The following CACNA2D3 variants were observed in gnomAD, a reference collection of about 807,000 sequenced individuals.
CACNA2D3 encodes voltage-dependent calcium channel subunit alpha-2/delta-3.
CACNA2D3 carries 60 observed loss-of-function variants against 160.6 expected under a neutral mutation model. The ratio of observed to expected loss-of-function variants is 0.37; its 90% CI spans 0.30 to 0.46. The LOEUF is 0.46. Among genes scored for constraint, CACNA2D3 ranks in the 20% least tolerant of loss-of-function variants. The pLI is 1.00. For missense variants in CACNA2D3, 1,205 were observed against 1,365.0 expected, an observed-to-expected ratio of 0.88 and a Z score of 1.85; for synonymous variants, 558 against 492.9, an observed-to-expected ratio of 1.13 and a Z score of -1.75.
chr3:54,700,663 A>G (rs1244482849), intron 11 of CACNA2D3, among the ~76,000 whole-genome samples: 2 of 152,202 alleles, frequency 1.3e-5, no homozygotes, highest in Non-Finnish European at 2.9e-5. Flanking sequence ...GACTTGAATC[A>G]ATAACCAGTT....
At chr3:55,050,345 T>C (rs1297996919) in intron 35 of CACNA2D3, among the ~76,000 whole-genome samples, 2 of 152,096 alleles carry the variant, frequency 1.3e-5, no homozygotes, top group Non-Finnish European at 2.9e-5. Context: ...AAGTATTTTA[T>C]TTCTCCTTCA....
At chr3:54,362,226 C>T (rs1440351652) in intron 3 of CACNA2D3, among the ~76,000 whole-genome samples, 1 of 152,136 alleles carries the variant, frequency 6.6e-6, no homozygotes, top group African/African-American at 2.4e-5. Flanking sequence ...TCGGCGAGGA[C>T]GAAGGTCTTG....
chr3:54,642,075 A>T (rs1699532981), intron 10 of CACNA2D3, 53 bp from the exon 11 acceptor site: 3 of 1,173,940 alleles, frequency 2.6e-6, no homozygotes, highest in Non-Finnish European at 3.6e-6. Context: ...TTTTTCACTG[A>T]TACACAGAAT....
intron 35 of CACNA2D3, among the ~76,000 whole-genome samples, chr3:55,040,357 T>C (rs1309289017): frequency 1.3e-5 from 2 of 152,178 alleles, no homozygotes; most frequent in African/African-American, 4.8e-5. Flanking sequence ...CCTAACCATA[T>C]CAGCATAATA....
chr3:54,389,728 ACTGT>A (rs1414015368), intron 4 of CACNA2D3, among the ~76,000 whole-genome samples: 1 of 152,202 alleles, frequency 6.6e-6, no homozygotes, highest in Non-Finnish European at 1.5e-5. Context: ...CTACAGAGTA[ACTGT>A]CTGGACTCGT....
chr3:54,488,494 C>T (rs1190826075), intron 4 of CACNA2D3, among the ~76,000 whole-genome samples: 1 of 152,054 alleles, frequency 6.6e-6, no homozygotes, highest in Admixed American at 6.5e-5. Flanking sequence ...CGACTAGCCT[C>T]ACAATAGCCC....
At chr3:54,923,713 G>C (rs951163039) in intron 27 of CACNA2D3, among the ~76,000 whole-genome samples, 1 of 152,186 alleles carries the variant, frequency 6.6e-6, no homozygotes, top group African/African-American at 2.4e-5. Context: ...CTGTGAAGTG[G>C]AGGAAAGAAT....
At chr3:54,148,974 C>CTT (rs1553735007) in intron 2 of CACNA2D3, among the ~76,000 whole-genome samples, 1 of 116,588 alleles carries the variant, frequency 8.6e-6, no homozygotes, top group East Asian at 2.5e-4. Flanking sequence ...AAAACTCCAT[C>CTT]AAAAAAAAAA....
At chr3:54,631,198 C>A (rs189496183) in intron 10 of CACNA2D3, among the ~76,000 whole-genome samples, 1,470 of 106,520 alleles carry the variant, frequency 0.014, 17 homozygotes, top group South Asian at 0.046. Context: ...AGCGAGACTC[C>A]ATCAAACACA....
At chr3:54,908,682 G>A (rs2177916) in intron 27 of CACNA2D3, among the ~76,000 whole-genome samples, 118,581 of 152,154 alleles carry the variant, frequency 0.78, 47,043 homozygotes, top group African/African-American at 0.92. Context: ...ATGCCATTGT[G>A]CTCCAGCCTG....
At chr3:54,954,143 C>G (rs1701824736) in intron 27 of CACNA2D3, among the ~76,000 whole-genome samples, 1 of 152,168 alleles carries the variant, frequency 6.6e-6, no homozygotes, top group East Asian at 1.9e-4. Context: ...ATCATGTCAT[C>G]ATGCAGGCAT....
intron 4 of CACNA2D3, among the ~76,000 whole-genome samples, chr3:54,462,922 C>T (rs1700535129): frequency 1.3e-5 from 2 of 149,166 alleles, no homozygotes; most frequent in South Asian, 2.3e-4. Flanking sequence ...ACCGGTTGTT[C>T]CTTTCCATGT....
chr3:54,914,279 T>TA lies in CACNA2D3; in HGVS notation c.2449+14422dup, dbSNP rs200595612. Reference sequence around the variant, plus strand: ...AGTAATGGATACCTGGAAAACAGATTAAAAAAAAAAATTATGAGGCCTTGT... The same window carrying TA: ...AGTAATGGATACCTGGAAAACAGATTAAAAAAAAAAAATTATGAGGCCTTGT... On this transcript the variant is annotated intron_variant, in intron 27 of 37. Coordinates refer to ENST00000474759, the MANE Select transcript of CACNA2D3 (RefSeq NM_018398.3). 1.5e-3 allele frequency among the ~76,000 whole-genome samples: 221 copies of TA among 148,938 alleles called. 2 individuals carry two copies. The highest frequency in any genetic ancestry group is 0.015 in the East Asian group (74 of 5,092).
intron 27 of CACNA2D3, among the ~76,000 whole-genome samples, chr3:54,908,930 CA>C (rs1167927408): frequency 6.6e-6 from 1 of 152,140 alleles, no homozygotes; most frequent in Non-Finnish European, 1.5e-5. Context: ...TTGCCAAACC[CA>C]ACTTCACATG....
intron 14 of CACNA2D3, among the ~76,000 whole-genome samples, chr3:54,826,417 C>G (rs1001653318): frequency 9.9e-5 from 15 of 152,160 alleles, no homozygotes; most frequent in Non-Finnish European, 1.9e-4. Context: ...TTCAAATTAA[C>G]TAGAAGGATT....
intron 33 of CACNA2D3, among the ~76,000 whole-genome samples, chr3:55,008,496 T>A (rs1290068628): frequency 6.6e-6 from 1 of 152,204 alleles, no homozygotes; most frequent in Non-Finnish European, 1.5e-5. Flanking sequence ...CTCATTCTTA[T>A]TTCCCCTGCT....
At chr3:55,037,728 A>T (rs1281538754) in intron 35 of CACNA2D3, among the ~76,000 whole-genome samples, 1 of 152,134 alleles carries the variant, frequency 6.6e-6, no homozygotes, top group African/African-American at 2.4e-5. Flanking sequence ...TCTTTTTATA[A>T]ATTGTCGTCT....
chr3:54,897,120 T>G (rs567582962), intron 26 of CACNA2D3, among the ~76,000 whole-genome samples: 1 of 152,212 alleles, frequency 6.6e-6, no homozygotes, highest in Non-Finnish European at 1.5e-5. Flanking sequence ...ATGTTTTGCA[T>G]CCTATGGGAT....
chr3:54,479,335 C>T (rs1026631866), intron 4 of CACNA2D3, among the ~76,000 whole-genome samples: 2 of 152,046 alleles, frequency 1.3e-5, no homozygotes, highest in African/African-American at 2.4e-5. Context: ...TTATTAGCAG[C>T]GTGAGAATGA....
Sources: gnomAD v4.1 joint callset for allele counts (sites outside exome capture counted in the v4.1 genomes callset) on GRCh38, gnomAD v4.1.1 for gene constraint, MANE v1.5 for transcripts, NCBI Gene and HGNC (gene_info 2026-07-23, HGNC 2026-07-21) for gene names.